The following CHRNA7 variants were observed in gnomAD, a reference collection of about 807,000 sequenced individuals.
The protein encoded by CHRNA7 is neuronal acetylcholine receptor subunit alpha-7.
In CHRNA7, 17 loss-of-function variants were observed where a neutral mutation model predicts 48.0. That is an observed-to-expected ratio of 0.35 (90% CI 0.24 to 0.53). The LOEUF (loss-of-function observed/expected upper bound fraction) is 0.53. Among genes scored for constraint, CHRNA7 ranks in the 20% least tolerant of loss-of-function variants. The pLI is 0.92. For missense variants in CHRNA7, 155 were observed against 577.7 expected, an observed-to-expected ratio of 0.27 and a Z score of 7.50; for synonymous variants, 75 against 242.3, an observed-to-expected ratio of 0.31 and a Z score of 6.41.
At chr15:32,151,808 G>A (rs2051635598) in intron 4 of CHRNA7, among the ~76,000 whole-genome samples, 1 of 151,572 alleles carries the variant, frequency 6.6e-6, no homozygotes. Context: ...GATCTTTTTT[G>A]GTGTGTATCC....
chr15:32,043,411 C>G (rs2049482218), intron 2 of CHRNA7, among the ~76,000 whole-genome samples: 1 of 151,982 alleles, frequency 6.6e-6, no homozygotes, highest in African/African-American at 2.4e-5. Context: ...TCCACTTACC[C>G]TTGTCTCTTC....
intron 2 of CHRNA7, among the ~76,000 whole-genome samples, chr15:32,074,355 A>G (rs1483585326): frequency 3.4e-5 from 5 of 145,706 alleles, no homozygotes; most frequent in Non-Finnish European, 7.6e-5. Flanking sequence ...ACAGTATAAC[A>G]TAACATAACA....
At chr15:32,047,271 A>G (rs2141180616) in intron 2 of CHRNA7, among the ~76,000 whole-genome samples, 1 of 147,220 alleles carries the variant, frequency 6.8e-6, no homozygotes, top group East Asian at 2.1e-4. Flanking sequence ...CAGTATGGCC[A>G]TTTTCACGAT....
At chr15:32,140,811 C>G (rs968241784) in intron 4 of CHRNA7, among the ~76,000 whole-genome samples, 2 of 152,090 alleles carry the variant, frequency 1.3e-5, no homozygotes, top group African/African-American at 4.8e-5. Context: ...TTTGTAGATT[C>G]TGGATATTAG....
intron 2 of CHRNA7, among the ~76,000 whole-genome samples, chr15:32,062,535 T>C (rs997105592): frequency 6.6e-6 from 1 of 152,224 alleles, no homozygotes; most frequent in African/African-American, 2.4e-5. Context: ...GTGTCTTCCA[T>C]GTTGTTAGAG....
intron 3 of CHRNA7, among the ~76,000 whole-genome samples, chr15:32,110,696 T>TTTTC (rs2050749088): frequency 6.6e-6 from 1 of 152,220 alleles, no homozygotes; most frequent in Non-Finnish European, 1.5e-5. Flanking sequence ...CCTCCTTTGA[T>TTTTC]GTTGTTTTCG....
intron 2 of CHRNA7, among the ~76,000 whole-genome samples, chr15:32,038,002 A>G (rs1902174290): frequency 6.7e-6 from 1 of 150,104 alleles, no homozygotes; most frequent in Non-Finnish European, 1.5e-5. Context: ...TTAGTGGGAA[A>G]GCTTCAGTTT....
At chr15:32,061,802 C>T (rs1476377655) in intron 2 of CHRNA7, among the ~76,000 whole-genome samples, 2 of 152,006 alleles carry the variant, frequency 1.3e-5, no homozygotes, top group African/African-American at 4.8e-5. Flanking sequence ...AGTGAGACTT[C>T]ATCTAAAAAA....
Position 32,111,937 on chromosome 15 carries a change from C to T in CHRNA7, c.350+38C>T, listed in dbSNP as rs757856659. 4.4e-6 allele frequency: 5 copies of T among 1,144,190 alleles called. No homozygotes were observed. In the Admixed American group the frequency reaches 6.7e-5, roughly 15 times the overall value. The allele number at this position is 1,144,190 out of a possible 1,614,324, so 70.9% of individuals were successfully genotyped here. A position where few individuals can be genotyped will look rare whatever the true frequency, so the allele number is the denominator to read the frequency against. ...AACAAAGGAAAAAAATGATTTTATG[C>T]TTGCATACATGTAGCTATCACGTAT... On this transcript the variant is annotated intron_variant, in intron 4 of 9. Transcript: ENST00000306901.
chr15:32,087,607 C>T (rs936650197), intron 2 of CHRNA7, among the ~76,000 whole-genome samples: 2 of 152,128 alleles, frequency 1.3e-5, no homozygotes, highest in African/African-American at 2.4e-5. Flanking sequence ...CGTATGTATC[C>T]TTATTAAGCT....
intron 4 of CHRNA7, among the ~76,000 whole-genome samples, chr15:32,144,233 A>T (rs2051440304): frequency 2.0e-5 from 3 of 152,192 alleles, no homozygotes; most frequent in Admixed American, 1.3e-4. Context: ...AGAATGTTGA[A>T]TATTGGCCCC....
At chr15:32,066,266 G>A (rs1443661937) in intron 2 of CHRNA7, among the ~76,000 whole-genome samples, 1 of 151,114 alleles carries the variant, frequency 6.6e-6, no homozygotes, top group African/African-American at 2.4e-5. Flanking sequence ...ATACTTTCCA[G>A]ATTTTTCACA....
chr15:32,064,956 A>G (rs1279634016), intron 2 of CHRNA7, among the ~76,000 whole-genome samples: 1 of 152,218 alleles, frequency 6.6e-6, no homozygotes, highest in African/African-American at 2.4e-5. Context: ...CTTTTAAAAT[A>G]TGAGTGTTGA....
At chr15:32,040,798 T>C (rs2049434863) in intron 2 of CHRNA7, among the ~76,000 whole-genome samples, 1 of 152,110 alleles carries the variant, frequency 6.6e-6, no homozygotes, top group East Asian at 1.9e-4. Flanking sequence ...GATATGACTT[T>C]CAACCTGTAT....
chr15:32,053,567 ACT>A (rs1162661783), intron 2 of CHRNA7, among the ~76,000 whole-genome samples: 5 of 152,186 alleles, frequency 3.3e-5, no homozygotes, highest in Non-Finnish European at 5.9e-5. Context: ...GTAAATGCAC[ACT>A]CAGTCACACA....
intron 2 of CHRNA7, among the ~76,000 whole-genome samples, chr15:32,059,936 T>C (rs1169342110): frequency 3.4e-5 from 1 of 29,092 alleles, no homozygotes; most frequent in African/African-American, 1.7e-4. Flanking sequence ...AAACGCCAAG[T>C]AGAAAAGCAA....
intron 2 of CHRNA7, among the ~76,000 whole-genome samples, chr15:32,079,496 T>C (rs980880273): frequency 1.3e-5 from 2 of 151,936 alleles, no homozygotes; most frequent in Non-Finnish European, 2.9e-5. Flanking sequence ...CAAACATTTC[T>C]ATATAACAAC....
chr15:32,063,318 C>CT (rs2049910273), intron 2 of CHRNA7, among the ~76,000 whole-genome samples: 1 of 152,094 alleles, frequency 6.6e-6, no homozygotes, highest in African/African-American at 2.4e-5. Context: ...CATTATAATC[C>CT]TATGGGACCA....
intron 1 of CHRNA7, 78 bp from the exon 2 acceptor site, chr15:32,030,820 G>C: frequency 1.3e-6 from 2 of 1,540,860 alleles, no homozygotes; most frequent in Non-Finnish European, 1.7e-6. Flanking sequence ...TGGGCGGCGG[G>C]GGACGCCGGC....
Sources: gnomAD v4.1 joint callset for allele counts (sites outside exome capture counted in the v4.1 genomes callset) on GRCh38, gnomAD v4.1.1 for gene constraint, MANE v1.5 for transcripts, NCBI Gene and HGNC (gene_info 2026-07-23, HGNC 2026-07-21) for gene names.